Variants in ADGRL4 observed in about 807,000 individuals in gnomAD.
ADGRL4 encodes EGF, latrophilin and seven transmembrane domain containing 1.
Under a neutral mutation model 74.8 loss-of-function variants are expected in ADGRL4, and 90 were observed. The ratio of observed to expected loss-of-function variants is 1.20; its 90% CI spans 1.02 to 1.43. The LOEUF (loss-of-function observed/expected upper bound fraction) is 1.43. Among genes scored for constraint, ADGRL4 ranks in the 40% most tolerant of loss-of-function variants. The pLI, the probability that ADGRL4 is intolerant of heterozygous loss-of-function variation, is 0.00. For synonymous variants in ADGRL4, 311 were observed against 279.2 expected (o/e 1.11, Z -1.14); for missense variants, 881 against 814.3 (o/e 1.08, Z -1.00).
chr1:79,006,368 G>A (rs562531783), intron 1 of ADGRL4, among the ~76,000 whole-genome samples: 4 of 152,094 alleles, frequency 2.6e-5, no homozygotes, highest in African/African-American at 9.7e-5. Context: ...AAATTTCTTC[G>A]GGGCAGAACA....
chr1:78,952,462 A>G (rs542661815), intron 2 of ADGRL4, among the ~76,000 whole-genome samples: 1 of 151,818 alleles, frequency 6.6e-6, no homozygotes, highest in Admixed American at 6.6e-5. Flanking sequence ...TTCTCAATCA[A>G]TTATGGACTT....
At chr1:78,893,602 A>G (rs1648334180) in intron 12 of ADGRL4, among the ~76,000 whole-genome samples, 1 of 151,940 alleles carries the variant, frequency 6.6e-6, no homozygotes, top group African/African-American at 2.4e-5. Flanking sequence ...TGAAAGATTG[A>G]AAAGAAATAA....
rs192315008 is a variant in ADGRL4, at chr1:78,941,886, C to A, written c.326-2628G>T. 1.1e-4 allele frequency among the ~76,000 whole-genome samples: 16 copies of A among 152,160 alleles called. No individual in the cohort carries two copies. The East Asian group carries it at 3.1e-3, about 29-fold the overall frequency. ...ATAACACTTATGAGCTGTGTGATAA[C>A]CTTGGGTAATATCTTAAAAAGACAC... On this transcript the variant is annotated intron_variant, in intron 3 of 14. Transcript: ENST00000370742.
At chr1:78,984,625 A>G (rs531967424) in intron 2 of ADGRL4, among the ~76,000 whole-genome samples, 2 of 151,626 alleles carry the variant, frequency 1.3e-5, no homozygotes, top group East Asian at 3.9e-4. Flanking sequence ...TGTAGGAGGA[A>G]CAGTAAGACA....
chr1:78,955,487 C>T (rs775652385), intron 2 of ADGRL4, among the ~76,000 whole-genome samples: 3 of 151,816 alleles, frequency 2.0e-5, no homozygotes, highest in Non-Finnish European at 2.9e-5. Flanking sequence ...GATCTTGTAT[C>T]GCAATTATAA....
chr1:78,942,173 CAAAAAAAAAAAA>C (rs398049382), intron 3 of ADGRL4, among the ~76,000 whole-genome samples: 33 of 73,612 alleles, frequency 4.5e-4, no homozygotes, highest in East Asian at 1.0e-3. Flanking sequence ...GACTCCGTCT[CAAAAAAAAAAAA>C]AAAAAAAAAA....
intron 2 of ADGRL4, among the ~76,000 whole-genome samples, chr1:78,974,984 A>G (rs148910721): frequency 6.3e-4 from 96 of 152,304 alleles, no homozygotes; most frequent in Non-Finnish European, 1.1e-3. Context: ...TTAGGGGGCC[A>G]TTATTCTGCC....
intron 3 of ADGRL4, among the ~76,000 whole-genome samples, chr1:78,943,282 A>C (rs1570245036): frequency 6.6e-6 from 1 of 152,198 alleles, no homozygotes; most frequent in African/African-American, 2.4e-5. Flanking sequence ...CATGGCTTCT[A>C]TTAATTTGGT....
rs1393831280 is a variant in ADGRL4 at position 78,918,389 on chromosome 1, G to A, written c.1462-339C>T. Among the ~76,000 whole-genome samples the A allele has an allele frequency of 2.0e-5, 3 of 151,768 alleles. No homozygotes were observed. In the South Asian group the frequency reaches 6.2e-4, roughly 31 times the overall value. ...TGGTGAATATGTTAGGATTTAAGTT[G>A]ATTTCTGTTTTGGAGATGCCTCTCT... On this transcript the variant is annotated intron_variant, in intron 10 of 14. Transcript: ENST00000370742.
At chr1:78,898,953 C>T (rs1219243360) in intron 12 of ADGRL4, among the ~76,000 whole-genome samples, 5 of 152,120 alleles carry the variant, frequency 3.3e-5, no homozygotes, top group Non-Finnish European at 4.4e-5. Context: ...TTTAGAGCTA[C>T]AGGTACATTC....
chr1:78,973,015 A>C (rs1650201805), intron 2 of ADGRL4, among the ~76,000 whole-genome samples: 1 of 152,194 alleles, frequency 6.6e-6, no homozygotes, highest in South Asian at 2.1e-4. Flanking sequence ...GAAGCCAGAC[A>C]GGTGGTACCC....
At chr1:78,983,923 A>G (rs1419420578) in intron 2 of ADGRL4, among the ~76,000 whole-genome samples, 2 of 151,782 alleles carry the variant, frequency 1.3e-5, no homozygotes. Context: ...GTATCTGTAA[A>G]CTCAGATAGC....
At chr1:78,968,366 C>T (rs1393667824) in intron 2 of ADGRL4, among the ~76,000 whole-genome samples, 2 of 151,838 alleles carry the variant, frequency 1.3e-5, no homozygotes, top group Admixed American at 1.3e-4. Context: ...TAATCCTTAC[C>T]TTAAGTAAAT....
At chr1:78,907,659 T>C (rs1279443010) in intron 12 of ADGRL4, among the ~76,000 whole-genome samples, 2 of 151,996 alleles carry the variant, frequency 1.3e-5, no homozygotes, top group Non-Finnish European at 2.9e-5. Context: ...TTTGAGTTGA[T>C]ATCTGAAAGA....
chr1:78,937,989 T>A lies in ADGRL4; in HGVS notation c.578A>T (p.Glu193Val), dbSNP rs1649391361. 2 of 1,606,152 alleles carry A rather than the reference T, an allele frequency of 1.2e-6. No homozygotes were observed. Among genetic ancestry groups the A allele is most frequent in the Admixed American group, 1.7e-5 (1 of 57,722 alleles). Residue 193 changes from glutamate (E) to valine (V), a missense_variant and splice_region_variant, in exon 6 of 15, where the codon GAA becomes GTA. Transcript: ENST00000370742. The stretch of plus-strand genomic sequence containing the variant: ...AAAATTATTCACGGTTTTTACAAAT[T>A]CCTATTGAAAAAAAGTATGTCTTTT... ...KDTLSNSTLT[E>V]FVKTVNNFVQ...
At chr1:78,995,133 A>T (rs1650688545) in intron 2 of ADGRL4, among the ~76,000 whole-genome samples, 1 of 152,164 alleles carries the variant, frequency 6.6e-6, no homozygotes, top group African/African-American at 2.4e-5. Context: ...CAGTGACTAA[A>T]CCTTCCCAAT....
At chr1:78,972,565 T>C (rs1051223199) in intron 2 of ADGRL4, among the ~76,000 whole-genome samples, 1 of 152,178 alleles carries the variant, frequency 6.6e-6, no homozygotes, top group Non-Finnish European at 1.5e-5. Flanking sequence ...AGAACACTGA[T>C]ATGCATTTGT....
At position 79,000,165 on chromosome 1, in the gene ADGRL4, A is replaced by G. The variant is rs568078550; in HGVS notation, c.172+4905T>C. Among the ~76,000 whole-genome samples, 4 of 152,274 alleles carry G rather than the reference A, an allele frequency of 2.6e-5. No homozygotes were observed. In the South Asian group the frequency reaches 8.3e-4, roughly 32 times the overall value. ...AAATATTCAATGAATCCATCTAGAT[A>G]ATACTGATTAAAAATAAATGAGGCT... On this transcript the variant is annotated intron_variant, in intron 2 of 14. Transcript: ENST00000370742.
rs1649754496 is a variant in ADGRL4 at position 78,952,680 on chromosome 1, A to G, written c.173-6254T>C. On this transcript the variant is annotated intron_variant, in intron 2 of 14. Transcript: ENST00000370742. Reference sequence around the variant, plus strand: ...ACCATGAACTCAAGTTCAATTTAGTAAAGGAAATGTAAAATTCATCAAATG... The same window carrying G: ...ACCATGAACTCAAGTTCAATTTAGTGAAGGAAATGTAAAATTCATCAAATG... Among the ~76,000 whole-genome samples, 3 of 152,166 alleles carry G rather than the reference A, an allele frequency of 2.0e-5. No individual in the cohort carries two copies. The South Asian group carries it at 6.2e-4, about 32-fold the overall frequency.
Sources: gnomAD v4.1 joint callset for allele counts (sites outside exome capture counted in the v4.1 genomes callset) on GRCh38, gnomAD v4.1.1 for gene constraint, MANE v1.5 for transcripts, NCBI Gene and HGNC (gene_info 2026-07-23, HGNC 2026-07-21) for gene names.